Variants in TFEC observed in about 807,000 individuals in gnomAD.
TFEC encodes transcription factor EC, also known as class E basic helix-loop-helix protein 34.
TFEC carries 31 observed loss-of-function variants against 41.6 expected under a neutral mutation model. The ratio of observed to expected loss-of-function variants is 0.74; its 90% CI spans 0.56 to 1.01. The LOEUF is 1.01. Among genes scored for constraint, TFEC ranks in the 50% least tolerant of loss-of-function variants. The probability of loss-of-function intolerance (pLI) is 0.00; values close to 1 mark genes in which losing one functional copy is unlikely to be tolerated. For missense variants in TFEC, 402 were observed against 404.1 expected (o/e 0.99, Z 0.04); for synonymous variants, 143 against 140.6 (o/e 1.02, Z -0.12).
At chr7:116,031,885 T>TA (rs1171158456), upstream of TFEC, among the ~76,000 whole-genome samples, 1 of 152,116 alleles carries the variant, frequency 6.6e-6, no homozygotes, top group African/African-American at 2.4e-5. Flanking sequence ...AAATAGTAAA[T>TA]AATTAAGTGT....
chr7:115,952,892 G>A (rs1792021267), intron 5 of TFEC, among the ~76,000 whole-genome samples: 1 of 152,030 alleles, frequency 6.6e-6, no homozygotes, highest in Non-Finnish European at 1.5e-5. Flanking sequence ...GGCAGCCACA[G>A]GGCCAAGGGA....
At chr7:116,155,403 T>C (rs1183902321) in intron 1 of TFEC, among the ~76,000 whole-genome samples, 2 of 152,206 alleles carry the variant, frequency 1.3e-5, no homozygotes, top group African/African-American at 4.8e-5. Flanking sequence ...ACAGTTGACA[T>C]ATTTCCACGT....
chr7:116,098,777 A>G (rs748666438), intron 3 of TFEC, among the ~76,000 whole-genome samples: 3 of 152,020 alleles, frequency 2.0e-5, no homozygotes, highest in Non-Finnish European at 2.9e-5. Flanking sequence ...ATACTTCCCA[A>G]CTTATGTTAT....
intron 6 of TFEC, among the ~76,000 whole-genome samples, chr7:115,945,808 G>A (rs926576357): frequency 6.6e-6 from 1 of 151,720 alleles, no homozygotes; most frequent in Admixed American, 6.6e-5. Context: ...ACCAAGGGTA[G>A]ACAAACTACG....
At chr7:115,990,679 G>GA (rs1293019342) in intron 1 of TFEC, among the ~76,000 whole-genome samples, 4 of 151,984 alleles carry the variant, frequency 2.6e-5, no homozygotes, top group South Asian at 2.1e-4. Flanking sequence ...GAGAAGTTTA[G>GA]AAAAAAGAGT....
intron 1 of TFEC, among the ~76,000 whole-genome samples, chr7:115,990,034 A>T (rs1794037093): frequency 6.6e-6 from 1 of 152,192 alleles, no homozygotes; most frequent in Admixed American, 6.5e-5. Flanking sequence ...AAGCTTCCAG[A>T]GGAAGGATCA....
chr7:116,015,738 T>A (rs1795165078), intron 1 of TFEC, among the ~76,000 whole-genome samples: 2 of 152,136 alleles, frequency 1.3e-5, no homozygotes, highest in Admixed American at 6.6e-5. Flanking sequence ...GATTCACATA[T>A]TATGCATTCA....
At chr7:116,144,700 C>T (rs531780908) in intron 1 of TFEC, among the ~76,000 whole-genome samples, 24 of 152,228 alleles carry the variant, frequency 1.6e-4, no homozygotes, top group African/African-American at 5.8e-4. Flanking sequence ...AATTAATCTC[C>T]ATAATATGAG....
intron 1 of TFEC, among the ~76,000 whole-genome samples, chr7:116,008,066 T>A (rs921817403): frequency 1.3e-5 from 2 of 152,128 alleles, no homozygotes; most frequent in African/African-American, 2.4e-5. Flanking sequence ...TTATCTAAAC[T>A]GAGGGCAAAG....
rs973216889 is a variant in TFEC, at chr7:115,936,872, T to C, written c.*3679A>G. 3 of 151,542 alleles carry C rather than the reference T, an allele frequency of 2.0e-5. No homozygotes were observed. The highest frequency in any genetic ancestry group is 3.0e-5 in the Non-Finnish European group (2 of 67,660). The allele number at this position is 151,542 out of a possible 1,614,324, so 9.4% of individuals were successfully genotyped here. On this transcript the variant is annotated 3_prime_UTR_variant, in exon 8 of 8. Transcript: ENST00000265440. ...TCAATGTCCCCAGCTCATCTGGCTA[T>C]TTATTATTTAGGGCTTTTTTAAAAA...
chr7:116,069,740 T>C (rs879746281), intron 3 of TFEC, among the ~76,000 whole-genome samples: 7 of 151,706 alleles, frequency 4.6e-5, no homozygotes, highest in African/African-American at 9.7e-5. Flanking sequence ...TTGATGGGGT[T>C]CATGGTTTCT....
chr7:116,099,924 T>C lies in TFEC; in HGVS notation c.198+10784A>G, dbSNP rs376986697. ...ATTTCAACCTTTATTTTAAAAGCCTTTCATAATGATTCTAACTTTTTTAAA... is the reference window on the plus strand; with the variant it reads ...ATTTCAACCTTTATTTTAAAAGCCTCTCATAATGATTCTAACTTTTTTAAA... On this transcript the variant is annotated intron_variant, in intron 3 of 8. Transcript: ENST00000484212. 1.2e-4 allele frequency among the ~76,000 whole-genome samples: 19 copies of C among 152,352 alleles called. No individual in the cohort carries two copies. In the East Asian group the frequency reaches 2.5e-3, roughly 20 times the overall value.
intron 1 of TFEC, among the ~76,000 whole-genome samples, chr7:116,130,823 G>T (rs1330066823): frequency 6.6e-6 from 1 of 152,100 alleles, no homozygotes; most frequent in Non-Finnish European, 1.5e-5. Context: ...TATTGCTCAG[G>T]CTGGTTTCAA....
chr7:115,978,078 A>ATAACT (rs994033601), intron 2 of TFEC, among the ~76,000 whole-genome samples: 2 of 152,116 alleles, frequency 1.3e-5, no homozygotes, highest in Non-Finnish European at 2.9e-5. Flanking sequence ...AAGAATATAA[A>ATAACT]TGAGTTAACA....
At chr7:116,147,487 G>A (rs1798667193) in intron 1 of TFEC, among the ~76,000 whole-genome samples, 1 of 152,036 alleles carries the variant, frequency 6.6e-6, no homozygotes, top group South Asian at 2.1e-4. Flanking sequence ...CATATGCCAT[G>A]TTGGTGTGCT....
chr7:115,972,993 T>C (rs1020312116), intron 3 of TFEC, among the ~76,000 whole-genome samples: 11 of 152,032 alleles, frequency 7.2e-5, no homozygotes, highest in African/African-American at 2.7e-4. Context: ...TTAGCATTAA[T>C]ATCAAATGTA....
chr7:116,035,203 T>C (rs1295585745), upstream of TFEC, among the ~76,000 whole-genome samples: 2 of 152,056 alleles, frequency 1.3e-5, no homozygotes, highest in Admixed American at 6.6e-5. Context: ...GCCTAAATTT[T>C]GACTCCAAAT....
At chr7:115,958,852 A>T (rs904993934) in intron 3 of TFEC, among the ~76,000 whole-genome samples, 1 of 151,912 alleles carries the variant, frequency 6.6e-6, no homozygotes, top group African/African-American at 2.4e-5. Flanking sequence ...CACTTTTTGA[A>T]TATCATTAAA....
chr7:115,974,375 G>T, intron 2 of TFEC, 119 bp from the exon 3 acceptor site: 3 of 244,774 alleles, frequency 1.2e-5, no homozygotes, highest in Non-Finnish European at 2.1e-5. Context: ...TTAAATTGAG[G>T]TTATATATAC....
Sources: gnomAD v4.1 joint callset for allele counts (sites outside exome capture counted in the v4.1 genomes callset) on GRCh38, gnomAD v4.1.1 for gene constraint, MANE v1.5 for transcripts, NCBI Gene and HGNC (gene_info 2026-07-23, HGNC 2026-07-21) for gene names.